Variants in AGAP1 observed in about 807,000 individuals in gnomAD.
AGAP1 encodes the protein arf-GAP with GTPase, ANK repeat and PH domain-containing protein 1.
Under a neutral mutation model 105.3 loss-of-function variants are expected in AGAP1, and 29 were observed. The observed-to-expected ratio is 0.28, with a 90% CI of 0.21 to 0.38. The LOEUF (loss-of-function observed/expected upper bound fraction) is 0.38. AGAP1 is among the 10% of genes least tolerant of loss of function. The pLI is 1.00. For missense variants in AGAP1, 998 were observed against 1,165.1 expected, an observed-to-expected ratio of 0.86 and a Z score of 2.09; for synonymous variants, 509 against 485.9, an observed-to-expected ratio of 1.05 and a Z score of -0.63.
At chr2:236,028,865 C>G (rs2057134928) in intron 13 of AGAP1, among the ~76,000 whole-genome samples, 1 of 152,144 alleles carries the variant, frequency 6.6e-6, no homozygotes, top group Non-Finnish European at 1.5e-5. Context: ...TTATCTCTGT[C>G]CAAGGTAATG....
Position 235,942,252 on chromosome 2 carries a change from C to T in AGAP1, c.1483+11329C>T, listed in dbSNP as rs1476708568. On this transcript the variant is annotated intron_variant, in intron 12 of 17. Transcript: ENST00000304032. ...AGACAACCCGCGATTCCCCTGGTTC[C>T]AGGAGTCCAGTAGCCACGGGTAGAG... Among the ~76,000 whole-genome samples, 4 of 152,302 alleles carry T rather than the reference C, an allele frequency of 2.6e-5. No individual in the cohort carries two copies. In the East Asian group the frequency reaches 7.7e-4, roughly 29 times the overall value.
At chr2:236,117,894 G>T (rs1264312167) in intron 16 of AGAP1, among the ~76,000 whole-genome samples, 1 of 152,140 alleles carries the variant, frequency 6.6e-6, no homozygotes, top group Non-Finnish European at 1.5e-5. Context: ...CCCGAGTGGG[G>T]TGCAGGGGCT....
chr2:235,573,767 G>C (rs1421635832), intron 1 of AGAP1, among the ~76,000 whole-genome samples: 1 of 152,220 alleles, frequency 6.6e-6, no homozygotes, highest in Non-Finnish European at 1.5e-5. Context: ...GGCTCATCTG[G>C]AGAGTCAGGT....
intron 9 of AGAP1, among the ~76,000 whole-genome samples, chr2:235,828,177 G>A (rs1421864488): frequency 1.3e-5 from 2 of 152,186 alleles, no homozygotes; most frequent in Non-Finnish European, 2.9e-5. Flanking sequence ...TTGGCTACAG[G>A]AATTGATGGA....
chr2:236,008,175 A>T (rs960476552), intron 13 of AGAP1, among the ~76,000 whole-genome samples: 1 of 152,154 alleles, frequency 6.6e-6, no homozygotes, highest in Non-Finnish European at 1.5e-5. Flanking sequence ...CGGTAAAGTT[A>T]TTTTCCAGGC....
chr2:235,670,289 G>A, intron 1 of AGAP1: 1 of 443,052 alleles, frequency 2.3e-6, no homozygotes, highest in Non-Finnish European at 3.9e-6. Flanking sequence ...GCGCTCCCCG[G>A]ACGCGCCCGG....
intron 1 of AGAP1, among the ~76,000 whole-genome samples, chr2:235,513,240 C>CCGGGCGCAGGCG (rs1553555372): frequency 1.3e-5 from 2 of 151,376 alleles, no homozygotes; most frequent in East Asian, 2.0e-4. Context: ...GATCACTGTG[C>CCGGGCGCAGGCG]CGGGCGCGGG....
chr2:236,028,567 C>G (rs1335411563), intron 13 of AGAP1, among the ~76,000 whole-genome samples: 1 of 152,128 alleles, frequency 6.6e-6, no homozygotes, highest in East Asian at 1.9e-4. Context: ...TTGTATTCAT[C>G]TTATATCTTG....
intron 1 of AGAP1, among the ~76,000 whole-genome samples, chr2:235,666,411 A>G (rs1371950838): frequency 6.6e-6 from 1 of 152,088 alleles, no homozygotes; most frequent in Admixed American, 6.6e-5. Context: ...TGTCGGGAGC[A>G]TGTGTCTTCT....
At position 236,096,750 on chromosome 2, in the gene AGAP1, T is replaced by G. The variant is rs2059201709; in HGVS notation, c.2115-23442T>G. ...CCCACCACCACACCCAGCTAATTTT[T>G]TGTATTTTATTTTAGTAGAAATGGA... On this transcript the variant is annotated intron_variant, in intron 16 of 17. Coordinates refer to ENST00000304032, the MANE Select transcript of AGAP1 (RefSeq NM_001037131.3). The surrounding 1 kb of genome is among the most constrained non-coding windows in gnomAD (Gnocchi z 4.4). 6.6e-6 allele frequency among the ~76,000 whole-genome samples: 1 copy of G among 151,652 alleles called. No individual in the cohort carries two copies. Among genetic ancestry groups the G allele is most frequent in the Non-Finnish European group, 1.5e-5 (1 of 67,952 alleles).
At chr2:236,015,891 T>C (rs1400686294) in intron 13 of AGAP1, among the ~76,000 whole-genome samples, 2 of 152,216 alleles carry the variant, frequency 1.3e-5, no homozygotes, top group Non-Finnish European at 2.9e-5. Flanking sequence ...CTCTTGTAAA[T>C]TTTAAATTGC....
At chr2:235,593,552 C>A (rs977079326) in intron 1 of AGAP1, among the ~76,000 whole-genome samples, 1 of 152,158 alleles carries the variant, frequency 6.6e-6, no homozygotes, top group African/African-American at 2.4e-5. Context: ...TGCCTGCCAA[C>A]TCTACAACTT....
At chr2:235,746,390 T>C (rs1158251987) in intron 5 of AGAP1, among the ~76,000 whole-genome samples, 3 of 122,986 alleles carry the variant, frequency 2.4e-5, no homozygotes, top group African/African-American at 9.6e-5. Context: ...TTTTTTTTTT[T>C]TTTTTTTTTT....
At chr2:235,942,022 G>A (rs957341920) in intron 12 of AGAP1, among the ~76,000 whole-genome samples, 2 of 152,134 alleles carry the variant, frequency 1.3e-5, no homozygotes, top group African/African-American at 4.8e-5. Context: ...CATCCTCCCT[G>A]CACTCCTCTT....
rs554776446 is a variant in AGAP1, at chr2:236,092,314, T to C, written c.2115-27878T>C. On this transcript the variant is annotated intron_variant, in intron 16 of 17. Transcript: ENST00000304032. The surrounding 1 kb of genome is among the most constrained non-coding windows in gnomAD (Gnocchi z 4.7). ...ATCCTATGGTGATAACATACTACAGTTTTTCAAGATACTGCCTTTGAGGGG... is the reference window on the plus strand; with the variant it reads ...ATCCTATGGTGATAACATACTACAGCTTTTCAAGATACTGCCTTTGAGGGG... 6.6e-6 allele frequency among the ~76,000 whole-genome samples: 1 copy of C among 152,186 alleles called. No homozygotes were observed. The highest frequency in any genetic ancestry group is 6.5e-5 in the Admixed American group (1 of 15,284).
intron 1 of AGAP1, among the ~76,000 whole-genome samples, chr2:235,638,201 C>T (rs954034666): frequency 2.0e-5 from 3 of 152,158 alleles, no homozygotes; most frequent in Admixed American, 2.0e-4. Context: ...AGCAGAGCTG[C>T]GTGGCCTGGG....
At chr2:235,589,139 C>T (rs568824730) in intron 1 of AGAP1, among the ~76,000 whole-genome samples, 5 of 148,976 alleles carry the variant, frequency 3.4e-5, no homozygotes, top group South Asian at 4.2e-4. Flanking sequence ...TCAGGAGCCC[C>T]GATGCTGGTA....
At chr2:235,681,788 T>C (rs1007367927) in intron 1 of AGAP1, among the ~76,000 whole-genome samples, 2 of 151,960 alleles carry the variant, frequency 1.3e-5, no homozygotes, top group African/African-American at 4.8e-5. Context: ...TGGTGAAATT[T>C]AACTGTTTTT....
rs556539925 is a variant in AGAP1, at chr2:235,994,746, A to G, written c.1645+26123A>G. Among the ~76,000 whole-genome samples the G allele has an allele frequency of 6.6e-6, 1 of 151,582 alleles. No individual in the cohort carries two copies. The highest frequency in any genetic ancestry group is 2.1e-4 in the South Asian group (1 of 4,802). On this transcript the variant is annotated intron_variant, in intron 13 of 17. Transcript: ENST00000304032. This position sits in a 1 kb window ranked among gnomAD's most constrained non-coding sequence, Gnocchi z 4.4. ...GCTTCTCAGGGGAAGAGCATGATGA[A>G]TTTCTTTCTTTTTTTTTTTTTAAAC...
Sources: gnomAD v4.1 joint callset for allele counts (sites outside exome capture counted in the v4.1 genomes callset) on GRCh38, gnomAD v4.1.1 for gene constraint, Gnocchi (gnomAD v3.1) non-coding constraint, MANE v1.5 for transcripts, NCBI Gene and HGNC (gene_info 2026-07-23, HGNC 2026-07-21) for gene names.